The following MGLL variants were observed in gnomAD, a reference collection of about 807,000 sequenced individuals.
MGLL encodes lysophospholipase homolog.
Under a neutral mutation model 29.1 loss-of-function variants are expected in MGLL, and 7 were observed. That is an observed-to-expected ratio of 0.24 (90% CI 0.14 to 0.45). MGLL has a LOEUF of 0.45. MGLL is among the 20% of genes least tolerant of loss of function. MGLL has a pLI of 0.99. For synonymous variants in MGLL, 148 were observed against 168.3 expected (o/e 0.88, Z 0.93); for missense variants, 356 against 413.6 (o/e 0.86, Z 1.21).
chr3:127,806,595 G>A (rs1388084192), intron 2 of MGLL, among the ~76,000 whole-genome samples: 3 of 152,066 alleles, frequency 2.0e-5, no homozygotes, highest in Non-Finnish European at 4.4e-5. Flanking sequence ...GTGGATGGAT[G>A]AGTGGGTGTG....
chr3:127,743,928 CCACTG>C (rs1035078436), intron 3 of MGLL, among the ~76,000 whole-genome samples: 1 of 152,160 alleles, frequency 6.6e-6, no homozygotes, highest in African/African-American at 2.4e-5. Context: ...CCCCCGACTA[CCACTG>C]CACTGAGTTA....
chr3:127,723,511 C>T (rs201021587), intron 3 of MGLL, among the ~76,000 whole-genome samples: 5 of 152,268 alleles, frequency 3.3e-5, no homozygotes. Context: ...CCCAAGCTCC[C>T]GTGTTTCCCA....
intron 2 of MGLL, among the ~76,000 whole-genome samples, chr3:127,804,543 C>T (rs2077533249): frequency 6.6e-6 from 1 of 152,198 alleles, no homozygotes; most frequent in Non-Finnish European, 1.5e-5. Context: ...AATAGATCAT[C>T]TTTAGGGTGC....
chr3:127,732,052 A>G (rs2076162064), intron 3 of MGLL, among the ~76,000 whole-genome samples: 1 of 152,218 alleles, frequency 6.6e-6, no homozygotes, highest in South Asian at 2.1e-4. Context: ...CCGGGAACCT[A>G]TAGAACCCTG....
chr3:127,711,136 T>G, intron 5 of MGLL: 1 of 195,512 alleles, frequency 5.1e-6, no homozygotes, highest in Non-Finnish European at 1.1e-5. Context: ...TCCATTTCTC[T>G]CGGGTGGAAG....
intron 6 of MGLL, among the ~76,000 whole-genome samples, chr3:127,703,705 A>G (rs1392091364): frequency 6.6e-6 from 1 of 152,254 alleles, no homozygotes; most frequent in Admixed American, 6.5e-5. Flanking sequence ...ACTGGACTAC[A>G]TCAGAAAGAA....
chr3:127,775,984 C>G (rs1448611313), intron 3 of MGLL, among the ~76,000 whole-genome samples: 3 of 152,224 alleles, frequency 2.0e-5, no homozygotes, highest in African/African-American at 7.2e-5. Context: ...AGCTGGCAGA[C>G]CAGGGACCAA....
At chr3:127,708,641 G>A (rs911746228) in intron 6 of MGLL, among the ~76,000 whole-genome samples, 1 of 152,200 alleles carries the variant, frequency 6.6e-6, no homozygotes, top group African/African-American at 2.4e-5. Context: ...TTGCACCTGG[G>A]TGCTTTGTCT....
In MGLL at chr3:127,776,458, C is replaced by T. The variant is rs114855827; in HGVS notation, c.262+5331G>A. On this transcript the variant is annotated intron_variant, in intron 3 of 7. Coordinates refer to ENST00000265052, the MANE Select transcript of MGLL (RefSeq NM_007283.7). ...GCAAGGTGAGAACCATGGCTCTCAA[C>T]GATCGGAGCCCTTCCTCCTGCTGAC... Among the ~76,000 whole-genome samples the T allele has an allele frequency of 9.3e-3, 1,411 of 152,288 alleles. 21 individuals are homozygous for T. The highest frequency in any genetic ancestry group is 0.031 in the African/African-American group (1,300 of 41,552).
At chr3:127,749,445 A>G (rs2076514221) in intron 3 of MGLL, among the ~76,000 whole-genome samples, 1 of 152,240 alleles carries the variant, frequency 6.6e-6, no homozygotes, top group Admixed American at 6.5e-5. Context: ...ACAAATTCAG[A>G]TACCATTCAT....
At chr3:127,741,638 C>T (rs1469315828) in intron 3 of MGLL, among the ~76,000 whole-genome samples, 1 of 152,214 alleles carries the variant, frequency 6.6e-6, no homozygotes, top group African/African-American at 2.4e-5. Context: ...CCTCCTTGCT[C>T]AGTCAACATC....
chr3:127,807,529 C>T (rs115535914), intron 2 of MGLL, among the ~76,000 whole-genome samples: 2,524 of 151,748 alleles, frequency 0.017, 62 homozygotes, highest in African/African-American at 0.058. Flanking sequence ...ACTTGCTCTT[C>T]TTTTTTCAGT....
chr3:127,721,289 T>C (rs1400240652), intron 4 of MGLL, 126 bp from the exon 5 acceptor site: 1 of 738,044 alleles, frequency 1.4e-6, no homozygotes, highest in Non-Finnish European at 2.4e-6. Flanking sequence ...AGGACTACCT[T>C]GGAAGAGGCA....
At chr3:127,782,693 G>A (rs987606629) in intron 2 of MGLL, among the ~76,000 whole-genome samples, 1 of 152,174 alleles carries the variant, frequency 6.6e-6, no homozygotes, top group Non-Finnish European at 1.5e-5. Context: ...CTTCAGGCAC[G>A]GAGTAAATGC....
intron 3 of MGLL, among the ~76,000 whole-genome samples, chr3:127,731,436 T>C (rs146072926): frequency 2.6e-5 from 4 of 152,056 alleles, no homozygotes; most frequent in Non-Finnish European, 5.9e-5. Flanking sequence ...ATGTATTAAC[T>C]ATGTTTTTAA....
At chr3:127,703,507 C>T (rs1396655149) in intron 6 of MGLL, among the ~76,000 whole-genome samples, 1 of 152,184 alleles carries the variant, frequency 6.6e-6, no homozygotes, top group Admixed American at 6.5e-5. Context: ...GTGTGAAAGC[C>T]TCTGTTTTGA....
Position 127,761,688 on chromosome 3 carries a change from G to T in MGLL, c.262+20101C>A, listed in dbSNP as rs577011095. 6.6e-5 allele frequency among the ~76,000 whole-genome samples: 10 copies of T among 152,280 alleles called. No individual in the cohort carries two copies. Among genetic ancestry groups the T allele is most frequent in the African/African-American group, 9.6e-5 (4 of 41,550 alleles). On this transcript the variant is annotated intron_variant, in intron 3 of 7. Transcript: ENST00000265052. This position sits in a 1 kb window ranked among gnomAD's most constrained non-coding sequence, Gnocchi z 4.6. ...GCACAGAGAGGGCTGGCGCACAGCC[G>T]GCCGTGGGCAGAGCTGGACTGCCAC... is the stretch of plus-strand genomic sequence containing the variant.
intron 2 of MGLL, among the ~76,000 whole-genome samples, chr3:127,786,650 G>A (rs552210483): frequency 6.6e-5 from 10 of 152,334 alleles, no homozygotes; most frequent in Admixed American, 3.9e-4. Context: ...CCTCTCCATC[G>A]AAAAACGAAT....
intron 3 of MGLL, among the ~76,000 whole-genome samples, chr3:127,751,802 C>T (rs142834226): frequency 6.8e-4 from 103 of 152,164 alleles, no homozygotes; most frequent in Non-Finnish European, 5.0e-4. Context: ...TGAAACTGTC[C>T]CTCAGAGAAT....
Sources: allele counts gnomAD v4.1 joint callset (sites outside exome capture counted in the v4.1 genomes callset), GRCh38; gene constraint gnomAD v4.1.1; non-coding constraint Gnocchi (gnomAD v3.1); transcripts MANE v1.5; gene names NCBI Gene and HGNC (gene_info 2026-07-23, HGNC 2026-07-21).